The following EYA1 variants were observed in gnomAD, a reference collection of about 807,000 sequenced individuals.
EYA1 encodes protein phosphatase EYA1.
EYA1 carries 16 observed loss-of-function variants against 82.0 expected under a neutral mutation model. That is an observed-to-expected ratio of 0.20 (90% CI 0.13 to 0.30). The LOEUF (loss-of-function observed/expected upper bound fraction) is 0.30. EYA1 is among the 10% of genes least tolerant of loss of function. The pLI is 1.00. For missense variants in EYA1, 633 were observed against 730.7 expected, an observed-to-expected ratio of 0.87 and a Z score of 1.54; for synonymous variants, 261 against 264.4, an observed-to-expected ratio of 0.99 and a Z score of 0.12.
chr8:71,294,181 C>G (rs1430202958), intron 9 of EYA1, among the ~76,000 whole-genome samples: 1 of 152,150 alleles, frequency 6.6e-6, no homozygotes, highest in Non-Finnish European at 1.5e-5. Flanking sequence ...ACACACCGGC[C>G]GGGCGCGGTG....
chr8:71,255,739 A>G (rs1814332900), intron 11 of EYA1, among the ~76,000 whole-genome samples: 1 of 152,184 alleles, frequency 6.6e-6, no homozygotes, highest in Non-Finnish European at 1.5e-5. Flanking sequence ...CAAAACATCA[A>G]AATGAAAAAT....
chr8:71,485,481 T>G (rs767859851), intron 2 of EYA1, among the ~76,000 whole-genome samples: 64 of 152,286 alleles, frequency 4.2e-4, no homozygotes, highest in Admixed American at 1.6e-3. Flanking sequence ...CTTCATTTTC[T>G]CATTCCTCTA....
chr8:71,219,492 TAATG>T (rs1246944521), intron 12 of EYA1, among the ~76,000 whole-genome samples: 1 of 152,252 alleles, frequency 6.6e-6, no homozygotes, highest in African/African-American at 2.4e-5. Context: ...TTATTTCACT[TAATG>T]AATAGAAAAA....
intron 7 of EYA1, among the ~76,000 whole-genome samples, chr8:71,303,902 C>T (rs1205820648): frequency 7.0e-6 from 1 of 141,966 alleles, no homozygotes; most frequent in East Asian, 2.1e-4. Flanking sequence ...GTTACAGTAA[C>T]ACAGCTCCAA....
At chr8:71,328,028 T>C (rs1030568589) in intron 4 of EYA1, among the ~76,000 whole-genome samples, 1 of 151,982 alleles carries the variant, frequency 6.6e-6, no homozygotes, top group African/African-American at 2.4e-5. Context: ...GCTAATTTTT[T>C]GTATTTTTAG....
intron 12 of EYA1, among the ~76,000 whole-genome samples, chr8:71,223,732 C>G (rs1338403859): frequency 6.6e-6 from 1 of 152,166 alleles, no homozygotes; most frequent in Non-Finnish European, 1.5e-5. Flanking sequence ...TTTTCTGATC[C>G]ATCATCATCT....
intron 2 of EYA1, among the ~76,000 whole-genome samples, chr8:71,487,265 A>AATT (rs1173183370): frequency 6.6e-6 from 1 of 152,152 alleles, no homozygotes; most frequent in African/African-American, 2.4e-5. Context: ...AGTTTAATTT[A>AATT]ATTACTGTGG....
chr8:71,452,265 G>C (rs1807452350), intron 2 of EYA1, among the ~76,000 whole-genome samples: 1 of 152,206 alleles, frequency 6.6e-6, no homozygotes, highest in Non-Finnish European at 1.5e-5. Flanking sequence ...TAAACAAAGT[G>C]GCCAAGAAGC....
At chr8:71,330,616 G>A (rs59665901) in intron 4 of EYA1, among the ~76,000 whole-genome samples, 4,334 of 152,216 alleles carry the variant, frequency 0.028, 208 homozygotes, top group African/African-American at 0.099. Context: ...CATACTATCT[G>A]CTAAGAGCTA....
At chr8:71,422,002 A>G (rs1297619746) in intron 2 of EYA1, among the ~76,000 whole-genome samples, 2 of 152,184 alleles carry the variant, frequency 1.3e-5, no homozygotes, top group African/African-American at 4.8e-5. Flanking sequence ...TGTAACTATC[A>G]ATTTTTAAAG....
intron 7 of EYA1, among the ~76,000 whole-genome samples, chr8:71,314,491 G>C (rs1001152703): frequency 1.1e-4 from 16 of 152,104 alleles, no homozygotes; most frequent in African/African-American, 3.9e-4. Context: ...TATCTGAAAT[G>C]CTTGGGACCA....
At chr8:71,313,419 C>T (rs565575319) in intron 7 of EYA1, among the ~76,000 whole-genome samples, 1 of 152,054 alleles carries the variant, frequency 6.6e-6, no homozygotes, top group Non-Finnish European at 1.5e-5. Flanking sequence ...AGAGAAGGAG[C>T]ATTTAGGTAA....
chr8:71,322,718 C>G (rs1469202847), intron 4 of EYA1, among the ~76,000 whole-genome samples: 3 of 152,064 alleles, frequency 2.0e-5, no homozygotes, highest in Admixed American at 2.0e-4. Flanking sequence ...GCTGTATTAC[C>G]AAGAAACATG....
chr8:71,374,926 T>C (rs895418445), intron 2 of EYA1, among the ~76,000 whole-genome samples: 1 of 152,304 alleles, frequency 6.6e-6, no homozygotes, highest in East Asian at 1.9e-4. Context: ...TATTTATATA[T>C]GGAATATTTT....
At chr8:71,301,310 C>T (rs1376374801) in intron 7 of EYA1, among the ~76,000 whole-genome samples, 2 of 152,174 alleles carry the variant, frequency 1.3e-5, no homozygotes, top group Non-Finnish European at 2.9e-5. Flanking sequence ...TCTGCAAAAA[C>T]TCTACTTTGC....
At chr8:71,310,723 A>G (rs552427765) in intron 7 of EYA1, among the ~76,000 whole-genome samples, 505 of 152,292 alleles carry the variant, frequency 3.3e-3, no homozygotes, top group Middle Eastern at 0.01. Context: ...TGGTGAATTA[A>G]CTGAATTTTT....
intron 2 of EYA1, among the ~76,000 whole-genome samples, chr8:71,442,813 A>G (rs549396099): frequency 6.6e-6 from 1 of 152,352 alleles, no homozygotes; most frequent in East Asian, 1.9e-4. Flanking sequence ...CAGTGGGAAC[A>G]TGTGTCCCCT....
chr8:71,306,421 T>C lies in EYA1; in HGVS notation c.557-6701A>G, dbSNP rs983441758. Reference sequence around the variant, plus strand: ...ATCATCATTAGTATACTGGGACCAGTGAAATGTTACGATTCTGAATTGCCG... The same window carrying C: ...ATCATCATTAGTATACTGGGACCAGCGAAATGTTACGATTCTGAATTGCCG... On this transcript the variant is annotated intron_variant, in intron 7 of 17. Coordinates refer to ENST00000340726, the MANE Select transcript of EYA1 (RefSeq NM_000503.6). 2.0e-5 allele frequency among the ~76,000 whole-genome samples: 3 copies of C among 151,702 alleles called. No homozygotes were observed. In the East Asian group the frequency reaches 5.8e-4, roughly 29 times the overall value.
intron 2 of EYA1, among the ~76,000 whole-genome samples, chr8:71,439,636 G>T (rs1161561443): frequency 5.3e-5 from 8 of 152,198 alleles, no homozygotes. Context: ...TCTGGTGTTA[G>T]CGGCATGGAA....
Sources: gnomAD v4.1 joint callset for allele counts (sites outside exome capture counted in the v4.1 genomes callset) on GRCh38, gnomAD v4.1.1 for gene constraint, MANE v1.5 for transcripts, NCBI Gene and HGNC (gene_info 2026-07-23, HGNC 2026-07-21) for gene names.